GNPNAT1: variants seen among roughly 807,000 people sequenced by gnomAD.
GNPNAT1 encodes the protein glucosamine 6-phosphate N-acetyltransferase.
Under a neutral mutation model 19.8 loss-of-function variants are expected in GNPNAT1, and 11 were observed. The observed-to-expected ratio is 0.56, with a 90% CI of 0.35 to 0.92. GNPNAT1 has a LOEUF of 0.92. Ranked by LOEUF, GNPNAT1 falls within the 40% of genes least tolerant of loss-of-function variation. GNPNAT1 has a pLI of 0.01. For missense variants in GNPNAT1, 157 were observed against 211.0 expected, an observed-to-expected ratio of 0.74 and a Z score of 1.59; for synonymous variants, 71 against 72.3, an observed-to-expected ratio of 0.98 and a Z score of 0.09.
intron 1 of GNPNAT1, among the ~76,000 whole-genome samples, chr14:52,787,493 C>T (rs1183275306): frequency 6.6e-6 from 1 of 152,084 alleles, no homozygotes; most frequent in Non-Finnish European, 1.5e-5. Context: ...TGGTTATTAT[C>T]TACATTTTAA....
intron 5 of GNPNAT1, among the ~76,000 whole-genome samples, chr14:52,779,724 TAAAAAAAAA>T (rs35906707): frequency 7.9e-4 from 30 of 38,216 alleles, no homozygotes; most frequent in South Asian, 4.3e-3. Context: ...TCCCATCTCT[TAAAAAAAAA>T]AAAAAAAAAA....
At position 52,775,428 on chromosome 14, in the gene GNPNAT1, T is replaced by C. The variant is rs1391689018; in HGVS notation, c.*2883A>G. The C allele has an allele frequency of 6.6e-6, 1 of 152,142 alleles. No homozygotes were observed. Among genetic ancestry groups the C allele is most frequent in the African/African-American group, 2.4e-5 (1 of 41,410 alleles). 9.4% of individuals were successfully genotyped at this position (152,142 alleles called of 1,614,324 possible). A position where few individuals can be genotyped will look rare whatever the true frequency, so the allele number is the denominator to read the frequency against. ...ACTATACCATTATTTTAGGCACCAC[T>C]AAAAGACAGTGTATTGCTAACAAAA... On this transcript the variant is annotated 3_prime_UTR_variant, in exon 6 of 6. Coordinates refer to ENST00000216410, the MANE Select transcript of GNPNAT1 (RefSeq NM_198066.4).
Position 52,783,414 on chromosome 14 carries a change from A to G in GNPNAT1, c.217+9T>C. 6.3e-7 allele frequency: 1 copy of G among 1,574,824 alleles called. No homozygotes were observed. Among genetic ancestry groups the G allele is most frequent in the Non-Finnish European group, 8.7e-7 (1 of 1,145,996 alleles). On this transcript the variant is annotated intron_variant, in intron 3 of 5. Coordinates refer to ENST00000216410, the MANE Select transcript of GNPNAT1 (RefSeq NM_198066.4). The stretch of plus-strand genomic sequence containing the variant: ...CTTTATTTCAGGAAAAAGAGGTTAT[A>G]GTACTTACTCATAAATTGTTCAGGG...
chr14:52,785,107 T>A (rs1882983110), intron 1 of GNPNAT1, among the ~76,000 whole-genome samples: 1 of 151,808 alleles, frequency 6.6e-6, no homozygotes, highest in African/African-American at 2.4e-5. Flanking sequence ...TTTGTATTTT[T>A]AATAGAGACG....
chr14:52,791,131 GT>G lies in GNPNAT1; in HGVS notation c.-15+296del, dbSNP rs1883164130. 6.6e-6 allele frequency among the ~76,000 whole-genome samples: 1 copy of G among 152,190 alleles called. No individual in the cohort carries two copies. Among genetic ancestry groups the G allele is most frequent in the Non-Finnish European group, 1.5e-5 (1 of 68,032 alleles). On this transcript the variant is annotated intron_variant, in intron 1 of 5. Coordinates refer to ENST00000216410, the MANE Select transcript of GNPNAT1 (RefSeq NM_198066.4). This position sits in a 1 kb window ranked among gnomAD's most constrained non-coding sequence, Gnocchi z 4.1. Reference sequence around the variant, plus strand: ...CCCACGCCAAAGTCTGGGGAGCGAAGTTCCGACCCCAGTCCCAGTTCCAGCC... The same window carrying G: ...CCCACGCCAAAGTCTGGGGAGCGAAGTCCGACCCCAGTCCCAGTTCCAGCC...
intron 5 of GNPNAT1, among the ~76,000 whole-genome samples, chr14:52,779,662 A>G (rs566738624): frequency 7.4e-6 from 1 of 135,172 alleles, no homozygotes; most frequent in East Asian, 2.5e-4. Flanking sequence ...TCAAGGCTGC[A>G]GTGAGCTGTG....
chr14:52,776,485 A>G lies in GNPNAT1; in HGVS notation c.*1826T>C, dbSNP rs1358500949. The G allele has an allele frequency of 1.3e-5, 2 of 152,188 alleles. No homozygotes were observed. Among genetic ancestry groups the G allele is most frequent in the African/African-American group, 4.8e-5 (2 of 41,444 alleles). The allele number at this position is 152,188 out of a possible 1,614,324, so 9.4% of individuals were successfully genotyped here. A position where few individuals can be genotyped will look rare whatever the true frequency, so the allele number is the denominator to read the frequency against. Reference sequence around the variant, plus strand: ...ATTTACTGAAGTGCCAACCTTGTGAATGATTTTACCTCAAATTGTTCAGTG... The same window carrying G: ...ATTTACTGAAGTGCCAACCTTGTGAGTGATTTTACCTCAAATTGTTCAGTG... On this transcript the variant is annotated 3_prime_UTR_variant, in exon 6 of 6. Transcript: ENST00000216410.
chr14:52,781,331 A>C (rs1287241374), intron 4 of GNPNAT1, among the ~76,000 whole-genome samples: 1 of 152,078 alleles, frequency 6.6e-6, no homozygotes, highest in Non-Finnish European at 1.5e-5. Flanking sequence ...AAGTGTTCCT[A>C]CCTTATTCTC....
At chr14:52,785,587 G>A (rs935456646) in intron 1 of GNPNAT1, among the ~76,000 whole-genome samples, 1 of 151,316 alleles carries the variant, frequency 6.6e-6, no homozygotes, top group African/African-American at 2.4e-5. Context: ...GTCGGGCGTG[G>A]TGGCGCATGC....
In GNPNAT1 at chr14:52,778,335, G is replaced by T; in HGVS notation, c.531C>A (p.Tyr177Ter). The T allele has an allele frequency of 6.3e-7, 1 of 1,594,028 alleles. No homozygotes were observed. Among genetic ancestry groups the T allele is most frequent in the East Asian group, 2.2e-5 (1 of 44,578 alleles). The stretch of plus-strand genomic sequence containing the variant: ...TTTACTTTAGAAACCTCCGACACAT[G>T]TAGTTTTCTTCAGATACAGTATATC... ...KFGYTVSEEN[Y>*]MCRRFLK Residue 177 changes from tyrosine (Y) to a stop codon, truncating the protein, a stop_gained, in exon 6 of 6, where the codon TAC (tyrosine) becomes TAA (stop). Transcript: ENST00000216410. LOFTEE classifies it high-confidence loss of function.
In GNPNAT1 at chr14:52,776,168, TCAA is replaced by T. The variant is rs566904449; in HGVS notation, c.*2140_*2142del. The T allele has an allele frequency of 3.4e-4, 52 of 152,204 alleles. 1 individual carries two copies. The South Asian group carries it at 5.2e-3, about 15-fold the overall frequency. The allele number at this position is 152,204 out of a possible 1,614,324, so 9.4% of individuals were successfully genotyped here. Reference sequence around the variant, plus strand: ...GCCTGGGCAACAGCGAGACCTTGTCTCAACAACAACAACAACAAAAGGCTATCT... The same window carrying T: ...GCCTGGGCAACAGCGAGACCTTGTCTCAACAACAACAACAAAAGGCTATCT... On this transcript the variant is annotated 3_prime_UTR_variant, in exon 6 of 6. Coordinates refer to ENST00000216410, the MANE Select transcript of GNPNAT1 (RefSeq NM_198066.4).
At chr14:52,788,697 CAAAAG>C (rs1485540516) in intron 1 of GNPNAT1, among the ~76,000 whole-genome samples, 2 of 152,094 alleles carry the variant, frequency 1.3e-5, no homozygotes, top group African/African-American at 2.4e-5. Flanking sequence ...AAAGAAAACT[CAAAAG>C]AGAATTTAAA....
intron 1 of GNPNAT1, among the ~76,000 whole-genome samples, chr14:52,790,817 ATT>A (rs1473117158): frequency 6.6e-6 from 1 of 152,226 alleles, no homozygotes; most frequent in African/African-American, 2.4e-5. Context: ...TTGTATGAAA[ATT>A]TTAAATTAGT....
intron 1 of GNPNAT1, among the ~76,000 whole-genome samples, chr14:52,787,472 C>A (rs1422785689): frequency 6.6e-6 from 1 of 152,102 alleles, no homozygotes; most frequent in African/African-American, 2.4e-5. Context: ...AACCATCCTA[C>A]AGGTTAGGAG....
Position 52,778,190 on chromosome 14 carries a change from A to T in GNPNAT1, c.*121T>A. 1 of 650,548 alleles carries T rather than the reference A, an allele frequency of 1.5e-6. No homozygotes were observed. Among genetic ancestry groups the T allele is most frequent in the Non-Finnish European group, 2.5e-6 (1 of 394,028 alleles). The allele number at this position is 650,548 out of a possible 1,614,324, so 40.3% of individuals were successfully genotyped here. On this transcript the variant is annotated 3_prime_UTR_variant, in exon 6 of 6. Transcript: ENST00000216410. ...TAAATGTCATTATACTTGTAGTATT[A>T]CAATGTTTTTTCAGTCCAGTATTTA... is the stretch of plus-strand genomic sequence containing the variant.
intron 5 of GNPNAT1, among the ~76,000 whole-genome samples, chr14:52,778,891 T>C (rs1189433658): frequency 1.3e-5 from 2 of 152,020 alleles, no homozygotes; most frequent in African/African-American, 4.8e-5. Flanking sequence ...GGCACATGCC[T>C]AAAGTCGCAG....
At position 52,781,882 on chromosome 14, in the gene GNPNAT1, C is replaced by G; in HGVS notation, c.247G>C (p.Asp83His). Residue 83 changes from aspartate (D) to histidine (H), a missense_variant, in exon 4 of 6, where the codon GAT becomes CAT. By Grantham distance (81) the Asp-to-His change is moderately conservative. Coordinates refer to ENST00000216410, the MANE Select transcript of GNPNAT1 (RefSeq NM_198066.4). ...KSFEHMKKSG[D>H]YYVTVVEDVT... The stretch of plus-strand genomic sequence containing the variant: ...TCTTCTACAACTGTAACATAATAAT[C>G]CCCAGATTTCTTCATATGCTCAAAA... 6.2e-7 allele frequency: 1 copy of G among 1,607,894 alleles called. No individual in the cohort carries two copies. The highest frequency in any genetic ancestry group is 8.5e-7 in the Non-Finnish European group (1 of 1,177,558).
At position 52,783,325 on chromosome 14, in the gene GNPNAT1, G is replaced by C. The variant is rs759339604; in HGVS notation, c.217+98C>G. On this transcript the variant is annotated intron_variant, in intron 3 of 5. Transcript: ENST00000216410. ...TAATTTGTTCTTTGAATAATTTCCA[G>C]CTATTTGAACAAAAACAGAAGTGGG... 3.8e-4 allele frequency: 270 copies of C among 715,642 alleles called. No homozygotes were observed. Among genetic ancestry groups the C allele is most frequent in the Non-Finnish European group, 5.5e-4 (228 of 415,918 alleles). The allele number at this position is 715,642 out of a possible 1,614,324, so 44.3% of individuals were successfully genotyped here. A position where few individuals can be genotyped will look rare whatever the true frequency, so the allele number is the denominator to read the frequency against.
chr14:52,778,467 T>A lies in GNPNAT1; in HGVS notation c.408-9A>T. On this transcript the variant is annotated splice_polypyrimidine_tract_variant and intron_variant, in intron 5 of 5. Coordinates refer to ENST00000216410, the MANE Select transcript of GNPNAT1 (RefSeq NM_198066.4). ...TAAGGGTTGATAATAACCTGAAATT[T>A]AAAAAGGGGGTAGGGTGAGGAGATA... is the stretch of plus-strand genomic sequence containing the variant. The A allele has an allele frequency of 6.2e-7, 1 of 1,600,192 alleles. No homozygotes were observed. Among genetic ancestry groups the A allele is most frequent in the African/African-American group, 1.3e-5 (1 of 74,086 alleles).
Sources: allele counts gnomAD v4.1 joint callset (sites outside exome capture counted in the v4.1 genomes callset), GRCh38; gene constraint gnomAD v4.1.1; non-coding constraint Gnocchi (gnomAD v3.1); transcripts MANE v1.5; gene names NCBI Gene and HGNC (gene_info 2026-07-23, HGNC 2026-07-21).